Variants in CUX1 observed in about 807,000 individuals in gnomAD.
CUX1 encodes cut like homeobox 1, also known as protein CASP.
Under a neutral mutation model 158.8 loss-of-function variants are expected in CUX1, and 31 were observed. The ratio of observed to expected loss-of-function variants is 0.20; its 90% CI spans 0.15 to 0.26. The LOEUF is 0.26. Among genes scored for constraint, CUX1 ranks in the 10% least tolerant of loss-of-function variants. The probability of loss-of-function intolerance (pLI) is 1.00; values close to 1 mark genes in which losing one functional copy is unlikely to be tolerated. For synonymous variants in CUX1, 879 were observed against 862.1 expected (o/e 1.02, Z -0.34); for missense variants, 1,589 against 2,014.6 (o/e 0.79, Z 4.04).
intron 2 of CUX1, among the ~76,000 whole-genome samples, chr7:101,999,436 G>A (rs146779197): frequency 1.3e-5 from 2 of 152,176 alleles, no homozygotes; most frequent in South Asian, 2.1e-4. Context: ...GAACTTGATT[G>A]ACCATGAGCT....
chr7:102,085,840 A>G (rs1279069940), intron 4 of CUX1, among the ~76,000 whole-genome samples: 3 of 152,228 alleles, frequency 2.0e-5, no homozygotes, highest in African/African-American at 7.2e-5. Context: ...GAGTTTGTAT[A>G]AGATTGCAGT....
At chr7:101,968,105 G>C (rs1811456000) in intron 2 of CUX1, among the ~76,000 whole-genome samples, 1 of 152,092 alleles carries the variant, frequency 6.6e-6, no homozygotes, top group African/African-American at 2.4e-5. Context: ...AGGTCTCCCT[G>C]CATTGCCCAG....
intron 3 of CUX1, among the ~76,000 whole-genome samples, chr7:102,063,958 C>T (rs1275866404): frequency 6.6e-6 from 1 of 152,162 alleles, no homozygotes; most frequent in Non-Finnish European, 1.5e-5. Context: ...GGGGCCGCGG[C>T]TGGGAGATGG....
At chr7:102,135,125 C>G (rs1352110381) in intron 8 of CUX1, among the ~76,000 whole-genome samples, 9 of 151,950 alleles carry the variant, frequency 5.9e-5, no homozygotes, top group Non-Finnish European at 1.3e-4. Flanking sequence ...GGCACTGACC[C>G]CCGACACAGT....
chr7:101,894,457 C>G (rs1177586030), intron 1 of CUX1, among the ~76,000 whole-genome samples: 3 of 151,976 alleles, frequency 2.0e-5, no homozygotes, highest in Non-Finnish European at 4.4e-5. Flanking sequence ...ATTACAGGCG[C>G]CCACCACCAC....
intron 6 of CUX1, 130 bp downstream of exon 6, chr7:102,104,589 A>G: frequency 7.9e-7 from 1 of 1,257,986 alleles, no homozygotes; most frequent in Non-Finnish European, 1.1e-6. Context: ...AAGGGGTAAA[A>G]TGTTTCAAAA....
chr7:101,858,661 C>CTTTT (rs760652607), intron 1 of CUX1, among the ~76,000 whole-genome samples: 25 of 103,316 alleles, frequency 2.4e-4, no homozygotes, highest in African/African-American at 3.2e-4. Context: ...ATGCGAATGC[C>CTTTT]TTTTTTTTTT....
At chr7:102,108,262 T>C (rs1554489150) in intron 6 of CUX1, among the ~76,000 whole-genome samples, 1 of 152,232 alleles carries the variant, frequency 6.6e-6, no homozygotes, top group African/African-American at 2.4e-5. Flanking sequence ...TACAGTGCAG[T>C]ATGATTGTAC....
intron 14 of CUX1, among the ~76,000 whole-genome samples, chr7:102,264,063 T>C (rs1365369449): frequency 1.4e-5 from 2 of 145,478 alleles, no homozygotes; most frequent in African/African-American, 2.6e-5. Context: ...TAGAGTGCAG[T>C]GGCGTGATGT....
intron 2 of CUX1, among the ~76,000 whole-genome samples, chr7:101,962,599 G>A (rs1285065041): frequency 6.6e-6 from 1 of 152,184 alleles, no homozygotes; most frequent in Non-Finnish European, 1.5e-5. Flanking sequence ...AAGGATGATA[G>A]AAGCGAGCTG....
chr7:102,144,061 C>T (rs1303664192), intron 8 of CUX1, among the ~76,000 whole-genome samples: 1 of 152,108 alleles, frequency 6.6e-6, no homozygotes, highest in African/African-American at 2.4e-5. Flanking sequence ...GGATTACAGG[C>T]GTGAGCCACT....
chr7:102,170,869 C>A (rs1791637021), intron 10 of CUX1, among the ~76,000 whole-genome samples: 1 of 147,508 alleles, frequency 6.8e-6, no homozygotes, highest in Non-Finnish European at 1.5e-5. Context: ...CGCTGGCATG[C>A]GGGTGCAGAC....
At chr7:102,133,561 C>T (rs1417210766) in intron 8 of CUX1, among the ~76,000 whole-genome samples, 3 of 150,028 alleles carry the variant, frequency 2.0e-5, no homozygotes, top group East Asian at 1.9e-4. Flanking sequence ...CTGCAACCTC[C>T]GCCTCCCGGG....
At chr7:102,009,180 A>C (rs780948537) in intron 2 of CUX1, among the ~76,000 whole-genome samples, 6 of 152,184 alleles carry the variant, frequency 3.9e-5, no homozygotes, top group Non-Finnish European at 8.8e-5. Flanking sequence ...GGTGCAATGT[A>C]TAACCTCTGG....
rs1792037471 is a variant in CUX1 at position 101,817,761 on chromosome 7, C to T, written c.30+92C>T. 1 of 1,477,234 alleles carries T rather than the reference C, an allele frequency of 6.8e-7. No homozygotes were observed. Among genetic ancestry groups the T allele is most frequent in the Non-Finnish European group, 9.1e-7 (1 of 1,097,716 alleles). 91.5% of individuals were successfully genotyped at this position (1,477,234 alleles called of 1,614,324 possible). On this transcript the variant is annotated intron_variant, in intron 1 of 23. Coordinates refer to ENST00000292535, the MANE Select transcript of CUX1 (RefSeq NM_181552.4). This position sits in a 1 kb window ranked among gnomAD's most constrained non-coding sequence, Gnocchi z 4.1. ...TGCCCGGGTCCCGCGGCTTAGAATG[C>T]TCTAGGGCGGCCTGGTGCTCTGGGA...
chr7:102,158,738 G>C (rs558803472), intron 9 of CUX1, 130 bp downstream of exon 9: 1 of 796,642 alleles, frequency 1.3e-6, no homozygotes, highest in African/African-American at 1.7e-5. Context: ...TTTCAACGTC[G>C]ATGCTCCTTC....
Position 101,830,619 on chromosome 7 carries a change from A to AT in CUX1, c.30+12958dup, listed in dbSNP as rs1033994725. 7.3e-5 allele frequency among the ~76,000 whole-genome samples: 11 copies of AT among 151,146 alleles called. No individual in the cohort carries two copies. The South Asian group carries it at 8.4e-4, about 12-fold the overall frequency. ...AGGTGTGCCCCACCATGCCTGGCTA[A>AT]TTTTTTTTACATATTTTTATACAAA... On this transcript the variant is annotated intron_variant, in intron 1 of 23. Transcript: ENST00000292535.
chr7:102,041,495 C>T (rs1037084008), intron 3 of CUX1, among the ~76,000 whole-genome samples: 9 of 151,476 alleles, frequency 5.9e-5, no homozygotes, highest in African/African-American at 2.2e-4. Context: ...CTCAAGTGAT[C>T]AACCCGCCTT....
At chr7:101,926,705 A>C (rs766568403) in intron 2 of CUX1, among the ~76,000 whole-genome samples, 2 of 152,188 alleles carry the variant, frequency 1.3e-5, no homozygotes, top group Non-Finnish European at 2.9e-5. Context: ...GTAAGTGGTG[A>C]CGTGCAGTGA....
Sources: gnomAD v4.1 joint callset for allele counts (sites outside exome capture counted in the v4.1 genomes callset) on GRCh38, gnomAD v4.1.1 for gene constraint, Gnocchi (gnomAD v3.1) non-coding constraint, MANE v1.5 for transcripts, NCBI Gene and HGNC (gene_info 2026-07-23, HGNC 2026-07-21) for gene names.